SSH1: variants seen among roughly 807,000 people sequenced by gnomAD.
SSH1 encodes slingshot protein phosphatase 1.
Under a neutral mutation model 79.7 loss-of-function variants are expected in SSH1, and 43 were observed. The observed-to-expected ratio is 0.54, with a 90% CI of 0.42 to 0.70. The LOEUF (loss-of-function observed/expected upper bound fraction) is 0.70. Among genes scored for constraint, SSH1 ranks in the 30% least tolerant of loss-of-function variants. The probability of loss-of-function intolerance (pLI) is 0.00; values close to 1 mark genes in which losing one functional copy is unlikely to be tolerated. For missense variants in SSH1, 1,206 were observed against 1,358.8 expected, an observed-to-expected ratio of 0.89 and a Z score of 1.77; for synonymous variants, 599 against 538.3, an observed-to-expected ratio of 1.11 and a Z score of -1.56.
intron 2 of SSH1, among the ~76,000 whole-genome samples, chr12:108,839,623 G>C (rs2038726853): frequency 6.6e-6 from 1 of 152,132 alleles, no homozygotes; most frequent in East Asian, 1.9e-4. Context: ...ACAGGACCTT[G>C]AACAGCCTTC....
At chr12:108,840,175 T>C (rs1306545666) in intron 2 of SSH1, among the ~76,000 whole-genome samples, 2 of 152,046 alleles carry the variant, frequency 1.3e-5, no homozygotes, top group African/African-American at 2.4e-5. Context: ...CGACACTGAC[T>C]ACACCCACAA....
chr12:108,791,850 T>C (rs1359091783), intron 14 of SSH1: 1 of 973,122 alleles, frequency 1.0e-6, no homozygotes, highest in African/African-American at 1.7e-5. Context: ...GGTTCCAGGA[T>C]CATCAGGGGT....
chr12:108,800,854 G>GT lies in SSH1; in HGVS notation c.1073_1074insA (p.Arg359ProfsTer5). On this transcript the variant is annotated frameshift_variant, in exon 12 of 15. Coordinates refer to ENST00000326495, the MANE Select transcript of SSH1 (RefSeq NM_018984.4). LOFTEE classifies it high-confidence loss of function. ...CTGTGGTCTCTTCATCGTAGACTCG[G>GT]ATGTTATGATATGCAAATAAGCCAG... 6.2e-7 allele frequency: 1 copy of GT among 1,613,966 alleles called. No homozygotes were observed. The highest frequency in any genetic ancestry group is 8.5e-7 in the Non-Finnish European group (1 of 1,179,926).
At chr12:108,840,033 C>T (rs759761362) in intron 2 of SSH1, among the ~76,000 whole-genome samples, 3 of 152,194 alleles carry the variant, frequency 2.0e-5, no homozygotes, top group African/African-American at 4.8e-5. Flanking sequence ...CCAGAAGCCC[C>T]GCTCTGACCA....
intron 8 of SSH1, 127 bp from the exon 9 acceptor site, chr12:108,806,521 G>A (rs988245581): frequency 3.8e-5 from 32 of 833,666 alleles, no homozygotes; most frequent in Admixed American, 2.1e-4. Context: ...GCTTCTTGGT[G>A]TGCATGTTCT....
intron 10 of SSH1, among the ~76,000 whole-genome samples, chr12:108,804,501 C>A (rs1236791948): frequency 6.6e-6 from 1 of 152,212 alleles, no homozygotes; most frequent in East Asian, 1.9e-4. Flanking sequence ...GAAATCAGTA[C>A]AACCCACCCA....
rs755210444 is a variant in SSH1, at chr12:108,806,380, T to C, written c.746A>G (p.Glu249Gly). ...GGCTTTGATGAGGCGCTCGGTCCTTTCCCCTTCAGTGGGCCTGGAAAGAAA... is the reference window on the plus strand; with the variant it reads ...GGCTTTGATGAGGCGCTCGGTCCTTCCCCCTTCAGTGGGCCTGGAAAGAAA... ...ALFVDKPTEG[E>G]RTERLIKAKL... The change falls in exon 9 of 15, where the codon GAA becomes GGA. Residue 249 changes from glutamate (E) to glycine (G), a missense_variant. Physicochemically the swap from Glu to Gly is moderately conservative, Grantham distance 98. This residue lies in a region of SSH1 where 116 missense variants were observed against 109.0 expected (regional missense o/e 1.06). Coordinates refer to ENST00000326495, the MANE Select transcript of SSH1 (RefSeq NM_018984.4). 1.2e-6 allele frequency: 2 copies of C among 1,614,136 alleles called. No homozygotes were observed. The highest frequency in any genetic ancestry group is 2.2e-5 in the South Asian group (2 of 91,082).
rs1240198346 is a variant in SSH1, at chr12:108,792,417, C to G, written c.1762G>C (p.Glu588Gln). The G allele has an allele frequency of 6.2e-7, 1 of 1,614,218 alleles. No individual in the cohort carries two copies. Among genetic ancestry groups the G allele is most frequent in the Non-Finnish European group, 8.5e-7 (1 of 1,180,042 alleles). ...AGGCCCTCCTCCCTTTCCGTCTCCT[C>G]CACCTGCAGCAAGGAGCCGCTCCGA... ...KGRSGSLLQV[E>Q]ETEREEGLGA... The change falls in exon 14 of 15, where the codon GAG becomes CAG. Residue 588 changes from glutamate to glutamine, a missense_variant. Coordinates refer to ENST00000326495, the MANE Select transcript of SSH1 (RefSeq NM_018984.4).
intron 6 of SSH1, among the ~76,000 whole-genome samples, chr12:108,810,901 C>T (rs1408967956): frequency 6.6e-6 from 1 of 152,234 alleles, no homozygotes; most frequent in Non-Finnish European, 1.5e-5. Context: ...GTTCCTGCTG[C>T]ACCACATTAG....
intron 11 of SSH1, among the ~76,000 whole-genome samples, chr12:108,801,508 T>C (rs979795713): frequency 3.3e-5 from 5 of 152,196 alleles, no homozygotes; most frequent in African/African-American, 4.8e-5. Context: ...TATTTAGACA[T>C]GCTTAAAAAA....
chr12:108,797,153 G>A (rs59298008), intron 13 of SSH1, among the ~76,000 whole-genome samples: 6,975 of 152,028 alleles, frequency 0.046, 589 homozygotes, highest in East Asian at 0.25. Context: ...TTCAGACAGC[G>A]TCTGGTTCTG....
At chr12:108,803,364 G>GGA (rs568205009) in intron 10 of SSH1, among the ~76,000 whole-genome samples, 5 of 144,672 alleles carry the variant, frequency 3.5e-5, no homozygotes, top group South Asian at 2.2e-4. Context: ...TGGAACGGGG[G>GGA]AAAAAAAAAA....
chr12:108,816,700 C>A (rs1010819293), intron 5 of SSH1, among the ~76,000 whole-genome samples: 1 of 152,204 alleles, frequency 6.6e-6, no homozygotes, highest in Admixed American at 6.5e-5. Context: ...CTGGTTTGGC[C>A]TTCTGGGTTC....
chr12:108,853,138 G>A (rs1170281991), intron 1 of SSH1: 1 of 985,302 alleles, frequency 1.0e-6, no homozygotes, highest in Non-Finnish European at 1.2e-6. Flanking sequence ...GGCAAGACTT[G>A]CACAGTGGAA....
Position 108,804,596 on chromosome 12 carries a change from G to C in SSH1, c.954+460C>G, listed in dbSNP as rs147531620. 7.1e-4 allele frequency among the ~76,000 whole-genome samples: 108 copies of C among 152,332 alleles called. 1 individual carries two copies. The highest frequency in any genetic ancestry group is 2.5e-3 in the African/African-American group (105 of 41,572). ...TCTGGACAAGCTCAGCGGGAGCTCC[G>C]TGTCAGCTGTGTGATCTCTCCTCCC... On this transcript the variant is annotated intron_variant, in intron 10 of 14. Coordinates refer to ENST00000326495, the MANE Select transcript of SSH1 (RefSeq NM_018984.4).
chr12:108,800,933 T>C lies in SSH1; in HGVS notation c.1002-7A>G. On this transcript the variant is annotated splice_polypyrimidine_tract_variant and splice_region_variant and intron_variant, in intron 11 of 14. Transcript: ENST00000326495. Reference sequence around the variant, plus strand: ...ATTTAAAATGTAATCAACCCTGCAATGAGAAAAAAATAAGAAACAAATTTG... The same window carrying C: ...ATTTAAAATGTAATCAACCCTGCAACGAGAAAAAAATAAGAAACAAATTTG... The C allele has an allele frequency of 6.2e-7, 1 of 1,610,812 alleles. No homozygotes were observed. Among genetic ancestry groups the C allele is most frequent in the Non-Finnish European group, 8.5e-7 (1 of 1,178,750 alleles).
Position 108,807,834 on chromosome 12 carries a change from CGAG to C in SSH1, c.537-10_537-8del. On this transcript the variant is annotated splice_region_variant and splice_polypyrimidine_tract_variant and intron_variant, in intron 7 of 14. Coordinates refer to ENST00000326495, the MANE Select transcript of SSH1 (RefSeq NM_018984.4). This position sits in a 1 kb window ranked among gnomAD's most constrained non-coding sequence, Gnocchi z 5.2. ...AAGCACCTGCAGGGCAGACCTGGGG[CGAG>C]GAGAAGACAGGGTCAGGCCTGGGAA... The C allele has an allele frequency of 2.5e-6, 4 of 1,613,408 alleles. No homozygotes were observed. Among genetic ancestry groups the C allele is most frequent in the Non-Finnish European group, 2.5e-6 (3 of 1,179,964 alleles).
intron 13 of SSH1, 105 bp from the exon 14 acceptor site, chr12:108,792,934 G>T (rs1487865123): frequency 2.9e-6 from 4 of 1,383,486 alleles, no homozygotes; most frequent in African/African-American, 2.9e-5. Context: ...AGGTCAGGGC[G>T]CCAGGGACGA....
At chr12:108,802,816 C>T (rs2137046817) in intron 10 of SSH1, among the ~76,000 whole-genome samples, 1 of 152,302 alleles carries the variant, frequency 6.6e-6, no homozygotes, top group East Asian at 1.9e-4. Context: ...AAAGTTCCCA[C>T]CCTCTGACCC....
Sources: allele counts gnomAD v4.1 joint callset (sites outside exome capture counted in the v4.1 genomes callset), GRCh38; gene constraint gnomAD v4.1.1; regional missense constraint gnomAD v4.1.1; non-coding constraint Gnocchi (gnomAD v3.1); transcripts MANE v1.5; gene names NCBI Gene and HGNC (gene_info 2026-07-23, HGNC 2026-07-21).